Variants in LPIN1 observed in about 807,000 individuals in gnomAD.
LPIN1 encodes phosphatidate phosphatase LPIN1.
Under a neutral mutation model 107.5 loss-of-function variants are expected in LPIN1, and 71 were observed. The ratio of observed to expected loss-of-function variants is 0.66; its 90% CI spans 0.55 to 0.80. The LOEUF (loss-of-function observed/expected upper bound fraction) is 0.80, where lower values mean the gene tolerates loss of function less well. LPIN1 is among the 30% of genes least tolerant of loss of function. The pLI is 0.00. For synonymous variants in LPIN1, 445 were observed against 452.6 expected (o/e 0.98, Z 0.21); for missense variants, 1,043 against 1,160.6 (o/e 0.90, Z 1.47).
intron 1 of LPIN1, among the ~76,000 whole-genome samples, chr2:11,740,721 GAAAAGAAAGAAA>G (rs1666276084): frequency 2.4e-5 from 3 of 126,446 alleles, no homozygotes; most frequent in Non-Finnish European, 5.0e-5. Flanking sequence ...AGAAAGAAAA[GAAAAGAAAGAAA>G]GAAAGAAAGA....
rs2148619209 is a variant in LPIN1 at position 11,765,295 on chromosome 2, A to G, written c.-9-238A>G. Among the ~76,000 whole-genome samples, 1 of 151,132 alleles carries G rather than the reference A, an allele frequency of 6.6e-6. No homozygotes were observed. Among genetic ancestry groups the G allele is most frequent in the South Asian group, 2.1e-4 (1 of 4,770 alleles). On this transcript the variant is annotated intron_variant, in intron 1 of 20. Coordinates refer to ENST00000674199, the MANE Select transcript of LPIN1 (RefSeq NM_001349206.2). This position sits in a 1 kb window ranked among gnomAD's most constrained non-coding sequence, Gnocchi z 4.4. ...CCGTGATGGACCCTGATGGGCTGTGATGGGCCGTGATGGACCCTGATGGGC... is the reference window on the plus strand; with the variant it reads ...CCGTGATGGACCCTGATGGGCTGTGGTGGGCCGTGATGGACCCTGATGGGC...
upstream of LPIN1, among the ~76,000 whole-genome samples, chr2:11,719,891 G>A (rs1474263809): frequency 2.0e-5 from 3 of 149,970 alleles, no homozygotes; most frequent in South Asian, 2.1e-4. Context: ...AATTGGAATC[G>A]TATACAGAAT....
At chr2:11,801,244 C>G (rs569580993) in intron 14 of LPIN1, among the ~76,000 whole-genome samples, 1 of 152,230 alleles carries the variant, frequency 6.6e-6, no homozygotes, top group South Asian at 2.1e-4. Context: ...TCCAGCAATC[C>G]CACTACTGCT....
chr2:11,679,103 A>T (rs563838019), intron 1 of LPIN1, among the ~76,000 whole-genome samples: 1 of 152,110 alleles, frequency 6.6e-6, no homozygotes, highest in East Asian at 1.9e-4. Context: ...CGCAGGACTG[A>T]CTCTCTCGCC....
chr2:11,709,155 C>A (rs1227981730), intron 1 of LPIN1, among the ~76,000 whole-genome samples: 1 of 152,220 alleles, frequency 6.6e-6, no homozygotes, highest in African/African-American at 2.4e-5. Flanking sequence ...CATAAAACAT[C>A]ATCCCTTTCA....
At chr2:11,776,317 A>G (rs1250611864) in intron 6 of LPIN1, 124 bp downstream of exon 6, 1 of 525,576 alleles carries the variant, frequency 1.9e-6, no homozygotes, top group East Asian at 3.1e-5. Context: ...AGATTATATG[A>G]AGTGAAAATT....
rs1450014066 is a variant in LPIN1 at position 11,824,743 on chromosome 2, G to A, written c.2733G>A (p.Glu911=). 3 of 1,614,064 alleles carry A rather than the reference G, an allele frequency of 1.9e-6. No homozygotes were observed. The highest frequency in any genetic ancestry group is 2.5e-6 in the Non-Finnish European group (3 of 1,180,044). ...DTFSNFTFWR[E]PLPPFENQDI... ...TCAGTAACTTCACCTTTTGGAGAGA[G>A]CCACTGCCACCTTTTGAAAACCAGG... is the stretch of plus-strand genomic sequence containing the variant. Residue 911 remains glutamate, a synonymous_variant, in exon 21 of 21, where the codon GAG becomes GAA. Transcript: ENST00000674199.
intron 1 of LPIN1, among the ~76,000 whole-genome samples, chr2:11,696,868 G>T (rs1247321702): frequency 6.6e-6 from 1 of 152,224 alleles, no homozygotes; most frequent in Non-Finnish European, 1.5e-5. Flanking sequence ...CAGCCTCGAA[G>T]TGTCCTGCGC....
At chr2:11,782,137 T>A in intron 7 of LPIN1, 64 bp from the exon 8 acceptor site, 1 of 1,309,332 alleles carries the variant, frequency 7.6e-7, no homozygotes. Context: ...GGTCACTCAG[T>A]TTTTCTGGTT....
intron 1 of LPIN1, among the ~76,000 whole-genome samples, chr2:11,759,473 A>G (rs1669279650): frequency 6.6e-6 from 1 of 152,194 alleles, no homozygotes; most frequent in African/African-American, 2.4e-5. Flanking sequence ...GACACAGCAC[A>G]TGTTTCATGG....
At position 11,753,158 on chromosome 2, in the gene LPIN1, A is replaced by C. The variant is rs551681822; in HGVS notation, c.-10+6487A>C. Among the ~76,000 whole-genome samples, 3 of 152,142 alleles carry C rather than the reference A, an allele frequency of 2.0e-5. No homozygotes were observed. The South Asian group carries it at 6.2e-4, about 32-fold the overall frequency. ...GACGCCTGCCACTTTGCCACCCTGG[A>C]AGCTCACTGCAAGAGCTGCAAAATT... On this transcript the variant is annotated intron_variant, in intron 1 of 20. Coordinates refer to ENST00000674199, the MANE Select transcript of LPIN1 (RefSeq NM_001349206.2).
intron 16 of LPIN1, 58 bp from the exon 17 acceptor site, chr2:11,805,012 G>A: frequency 2.0e-6 from 2 of 976,600 alleles, no homozygotes; most frequent in Non-Finnish European, 3.3e-6. Flanking sequence ...AGGCATGAAT[G>A]GTGCAATGAA....
chr2:11,822,567 A>G (rs763907162), intron 20 of LPIN1, among the ~76,000 whole-genome samples: 9 of 152,174 alleles, frequency 5.9e-5, no homozygotes, highest in Admixed American at 5.2e-4. Context: ...TCGTGCAGGG[A>G]AACTCCCCCT....
chr2:11,795,164 T>C (rs1676441569), intron 13 of LPIN1, among the ~76,000 whole-genome samples: 1 of 152,218 alleles, frequency 6.6e-6, no homozygotes. Flanking sequence ...CACTTATGGA[T>C]AACAGATTCG....
intron 10 of LPIN1, among the ~76,000 whole-genome samples, chr2:11,785,956 A>G (rs1353330847): frequency 1.3e-5 from 2 of 152,126 alleles, no homozygotes; most frequent in African/African-American, 4.8e-5. Context: ...TCCTAGGGCC[A>G]CACATTAATA....
At chr2:11,751,874 C>CA (rs1457058693) in intron 1 of LPIN1, among the ~76,000 whole-genome samples, 2 of 151,960 alleles carry the variant, frequency 1.3e-5, no homozygotes, top group Non-Finnish European at 2.9e-5. Context: ...AACAAACAAA[C>CA]AAAAAACCAC....
At chr2:11,687,875 G>C (rs1250096946) in intron 1 of LPIN1, among the ~76,000 whole-genome samples, 4 of 152,266 alleles carry the variant, frequency 2.6e-5, no homozygotes, top group African/African-American at 9.6e-5. Context: ...AGTCTCTGCA[G>C]TTTATGGTCT....
chr2:11,700,343 A>G (rs754224674), intron 1 of LPIN1, among the ~76,000 whole-genome samples: 1 of 152,202 alleles, frequency 6.6e-6, no homozygotes, highest in Non-Finnish European at 1.5e-5. Flanking sequence ...TCTATGGGGC[A>G]TCTCCCTTCT....
chr2:11,711,329 A>G (rs940089517), intron 1 of LPIN1, among the ~76,000 whole-genome samples: 10 of 152,202 alleles, frequency 6.6e-5, no homozygotes, highest in Admixed American at 2.0e-4. Flanking sequence ...TGCATTGCTC[A>G]GTTGAAATGA....
Sources: allele counts gnomAD v4.1 joint callset (sites outside exome capture counted in the v4.1 genomes callset), GRCh38; gene constraint gnomAD v4.1.1; non-coding constraint Gnocchi (gnomAD v3.1); transcripts MANE v1.5; gene names NCBI Gene and HGNC (gene_info 2026-07-23, HGNC 2026-07-21).